GRID2: variants seen among roughly 807,000 people sequenced by gnomAD.
GRID2 encodes glutamate ionotropic receptor delta type subunit 2.
In GRID2, 33 loss-of-function variants were observed where a neutral mutation model predicts 114.8. The observed-to-expected ratio is 0.29, with a 90% confidence interval of 0.22 to 0.38. GRID2 has a LOEUF of 0.38. GRID2 is among the 10% of genes least tolerant of loss of function. GRID2 has a pLI of 1.00. For synonymous variants in GRID2, 505 were observed against 449.9 expected, an observed-to-expected ratio of 1.12 and a Z score of -1.55; for missense variants, 1,184 against 1,257.7, an observed-to-expected ratio of 0.94 and a Z score of 0.89.
chr4:93,341,844 A>G (rs1683572056), intron 8 of GRID2, among the ~76,000 whole-genome samples: 1 of 152,178 alleles, frequency 6.6e-6, no homozygotes, highest in African/African-American at 2.4e-5. Context: ...TTATGTTCTT[A>G]TCAGACTTTG....
chr4:92,399,517 G>T (rs997083859), intron 1 of GRID2, among the ~76,000 whole-genome samples: 2 of 151,848 alleles, frequency 1.3e-5, no homozygotes, highest in African/African-American at 4.8e-5. Flanking sequence ...ATTCTTATTC[G>T]CTGACAAATA....
At chr4:93,079,030 A>C (rs540077822) in intron 2 of GRID2, among the ~76,000 whole-genome samples, 4 of 150,918 alleles carry the variant, frequency 2.7e-5, no homozygotes, top group Non-Finnish European at 4.4e-5. Flanking sequence ...TAGCAATGTA[A>C]ACATAAGCCT....
chr4:92,918,755 G>C (rs1036590845), intron 2 of GRID2, among the ~76,000 whole-genome samples: 1 of 152,182 alleles, frequency 6.6e-6, no homozygotes, highest in African/African-American at 2.4e-5. Context: ...TGGTTTGCCA[G>C]TATTTTATTG....
chr4:93,428,240 T>G, intron 10 of GRID2, among the ~76,000 whole-genome samples: 1 of 152,182 alleles, frequency 6.6e-6, no homozygotes, highest in Non-Finnish European at 1.5e-5. Flanking sequence ...AACTAAAAAC[T>G]TCCTTTTTCA....
At chr4:93,013,797 A>G (rs894262041) in intron 2 of GRID2, among the ~76,000 whole-genome samples, 3 of 152,024 alleles carry the variant, frequency 2.0e-5, no homozygotes, top group Non-Finnish European at 4.4e-5. Context: ...GTTTAAAATT[A>G]AAGGATATAT....
At chr4:92,648,013 G>A (rs1731732787) in intron 2 of GRID2, among the ~76,000 whole-genome samples, 1 of 149,588 alleles carries the variant, frequency 6.7e-6, no homozygotes, top group Admixed American at 6.6e-5. Flanking sequence ...TTTGTACCCT[G>A]TTAAAAATAA....
chr4:92,790,936 C>G (rs1268564866), intron 2 of GRID2, among the ~76,000 whole-genome samples: 1 of 151,688 alleles, frequency 6.6e-6, no homozygotes, highest in African/African-American at 2.4e-5. Flanking sequence ...ACTACGTAAG[C>G]CTTATGTTAC....
intron 1 of GRID2, among the ~76,000 whole-genome samples, chr4:92,397,886 A>T (rs1309461399): frequency 1.3e-5 from 2 of 152,190 alleles, no homozygotes; most frequent in African/African-American, 2.4e-5. Context: ...AATGGTATTG[A>T]TTACCATCAC....
intron 2 of GRID2, among the ~76,000 whole-genome samples, chr4:92,808,498 A>G (rs1330012833): frequency 3.9e-5 from 6 of 152,098 alleles, no homozygotes; most frequent in Admixed American, 6.6e-5. Context: ...TGTTTAGGGG[A>G]TGTAAAATTT....
At chr4:93,508,416 C>T (rs915447516) in intron 12 of GRID2, among the ~76,000 whole-genome samples, 16 of 152,082 alleles carry the variant, frequency 1.1e-4, no homozygotes, top group Admixed American at 3.9e-4. Flanking sequence ...AGGATACTCT[C>T]CATCTCCTTA....
At chr4:92,421,551 T>C (rs1731908443) in intron 1 of GRID2, among the ~76,000 whole-genome samples, 1 of 152,172 alleles carries the variant, frequency 6.6e-6, no homozygotes. Flanking sequence ...AAGATCTATC[T>C]GCTGTAGGCC....
intron 2 of GRID2, among the ~76,000 whole-genome samples, chr4:92,987,704 A>T (rs547349491): frequency 2.6e-4 from 40 of 152,278 alleles, no homozygotes; most frequent in African/African-American, 8.7e-4. Flanking sequence ...ATGGTTTTTG[A>T]AATATTTTAT....
At chr4:92,887,008 T>C (rs1462625168) in intron 2 of GRID2, among the ~76,000 whole-genome samples, 1 of 152,220 alleles carries the variant, frequency 6.6e-6, no homozygotes, top group Non-Finnish European at 1.5e-5. Context: ...TTTACAATTA[T>C]CTCCTGTCTT....
intron 2 of GRID2, chr4:92,884,932 C>A: frequency 6.0e-6 from 2 of 333,086 alleles, no homozygotes; most frequent in Non-Finnish European, 6.1e-6. Flanking sequence ...CATTTGGTCT[C>A]CCCAAAAAAA....
chr4:93,759,989 T>C (rs776073981), intron 14 of GRID2, among the ~76,000 whole-genome samples: 1 of 152,198 alleles, frequency 6.6e-6, no homozygotes, highest in South Asian at 2.1e-4. Flanking sequence ...GCAGAATGTA[T>C]CACTTTCCAG....
intron 11 of GRID2, among the ~76,000 whole-genome samples, chr4:93,470,126 A>C (rs1403258104): frequency 1.3e-5 from 2 of 152,116 alleles, no homozygotes; most frequent in East Asian, 3.9e-4. Context: ...AAAAAGGATA[A>C]GCATATAAAA....
In GRID2 at chr4:93,370,591, A is replaced by G. The variant is rs141915896; in HGVS notation, c.1246-25016A>G. On this transcript the variant is annotated intron_variant, in intron 8 of 15. Transcript: ENST00000282020. ...ATCATAAACTGCATTTGCTCATGTT[A>G]TTTTTTGAGATCAGAGTGTTCTTCC... Among the ~76,000 whole-genome samples, 377 of 152,140 alleles carry G rather than the reference A, an allele frequency of 2.5e-3. 2 individuals are homozygous for G. The highest frequency in any genetic ancestry group is 8.4e-3 in the African/African-American group (349 of 41,524).
intron 2 of GRID2, among the ~76,000 whole-genome samples, chr4:92,855,294 C>G (rs553202465): frequency 4.2e-4 from 64 of 152,088 alleles, no homozygotes; most frequent in African/African-American, 1.4e-3. Flanking sequence ...CCTGAAACCA[C>G]AGTATAAAGG....
At chr4:93,163,507 T>G (rs1192354689) in intron 4 of GRID2, among the ~76,000 whole-genome samples, 1 of 148,764 alleles carries the variant, frequency 6.7e-6, no homozygotes, top group Non-Finnish European at 1.5e-5. Context: ...CAAGTGATCT[T>G]CCCACCTCAG....
Sources: gnomAD v4.1 joint callset for allele counts (sites outside exome capture counted in the v4.1 genomes callset) on GRCh38, gnomAD v4.1.1 for gene constraint, MANE v1.5 for transcripts, NCBI Gene and HGNC (gene_info 2026-07-23, HGNC 2026-07-21) for gene names.